The following DCPS variants were observed in gnomAD, a reference collection of about 807,000 sequenced individuals.
DCPS encodes m7GpppX diphosphatase.
DCPS carries 27 observed loss-of-function variants against 34.7 expected under a neutral mutation model. The ratio of observed to expected loss-of-function variants is 0.78; its 90% confidence interval spans 0.57 to 1.07. The LOEUF (loss-of-function observed/expected upper bound fraction) is 1.07. DCPS is among the 50% of genes least tolerant of loss of function. The pLI is 0.00. For missense variants in DCPS, 464 were observed against 436.9 expected, an observed-to-expected ratio of 1.06 and a Z score of -0.55; for synonymous variants, 185 against 185.7, an observed-to-expected ratio of 1.00 and a Z score of 0.03.
At position 126,322,255 on chromosome 11, in the gene DCPS, CTTATTTTTAT is replaced by C. The variant is rs1201577482; in HGVS notation, c.377-9137_377-9128del. Among the ~76,000 whole-genome samples the C allele has an allele frequency of 2.0e-5, 3 of 148,712 alleles. No homozygotes were observed. The highest frequency in any genetic ancestry group is 4.5e-5 in the Non-Finnish European group (3 of 66,474). Reference sequence around the variant, plus strand: ...TCCACAACAACAGCATTCAGATCTTCTTATTTTTATTTATTTTTATTTTTTTGAGACAGAG... The same window carrying C: ...TCCACAACAACAGCATTCAGATCTTCTTATTTTTATTTTTTTGAGACAGAG... On this transcript the variant is annotated intron_variant, in intron 2 of 5. Transcript: ENST00000263579. The surrounding 1 kb of genome is among the most constrained non-coding windows in gnomAD (Gnocchi z 4.2).
chr11:126,324,326 A>G (rs1455400533), intron 2 of DCPS, among the ~76,000 whole-genome samples: 1 of 152,134 alleles, frequency 6.6e-6, no homozygotes, highest in Non-Finnish European at 1.5e-5. Context: ...AATTGAAAAT[A>G]TTTTCACAGT....
In DCPS at chr11:126,307,158, C is replaced by T. The variant is rs564022979; in HGVS notation, c.376+414C>T. Among the ~76,000 whole-genome samples the T allele has an allele frequency of 6.6e-5, 10 of 151,820 alleles. No homozygotes were observed. The South Asian group carries it at 1.9e-3, about 28-fold the overall frequency. On this transcript the variant is annotated intron_variant, in intron 2 of 5. Transcript: ENST00000263579. Reference sequence around the variant, plus strand: ...CAGACTCTCGGCCAACATGGTGAAACCTCATCTCTACTAAAAATACAAAAT... The same window carrying T: ...CAGACTCTCGGCCAACATGGTGAAATCTCATCTCTACTAAAAATACAAAAT...
In DCPS at chr11:126,345,743, GGGCT is replaced by G; in HGVS notation, c.*131_*134del. On this transcript the variant is annotated 3_prime_UTR_variant, in exon 6 of 6. Coordinates refer to ENST00000263579, the MANE Select transcript of DCPS (RefSeq NM_014026.6). The surrounding 1 kb of genome is among the most constrained non-coding windows in gnomAD (Gnocchi z 7.4). Reference sequence around the variant, plus strand: ...TATTCCTAGTATTGAATAAACTAGCGGGCTCACTCAGTGTGGACAGCGTGGCCTG... The same window carrying G: ...TATTCCTAGTATTGAATAAACTAGCGCACTCAGTGTGGACAGCGTGGCCTG... 1 of 1,390,926 alleles carries G rather than the reference GGGCT, an allele frequency of 7.2e-7. No individual in the cohort carries two copies. Among genetic ancestry groups the G allele is most frequent in the Non-Finnish European group, 9.6e-7 (1 of 1,036,942 alleles). 86.2% of individuals were successfully genotyped at this position (1,390,926 alleles called of 1,614,324 possible). A position where few individuals can be genotyped will look rare whatever the true frequency, so the allele number is the denominator to read the frequency against.
chr11:126,316,944 C>T (rs1305864680), intron 2 of DCPS, among the ~76,000 whole-genome samples: 1 of 146,400 alleles, frequency 6.8e-6, no homozygotes, highest in Non-Finnish European at 1.5e-5. Flanking sequence ...GTGTGACCCA[C>T]CATGCCCGGC....
intron 2 of DCPS, among the ~76,000 whole-genome samples, chr11:126,307,967 G>A (rs1951587537): frequency 6.6e-6 from 1 of 152,220 alleles, no homozygotes; most frequent in Admixed American, 6.5e-5. Context: ...GGGCCGGCCA[G>A]TGTGTCTGGT....
Position 126,345,543 on chromosome 11 carries a change from G to C in DCPS, c.944G>C (p.Arg315Pro), listed in dbSNP as rs73019443. 1.2e-6 allele frequency: 2 copies of C among 1,613,708 alleles called. No individual in the cohort carries two copies. Among genetic ancestry groups the C allele is most frequent in the African/African-American group, 2.7e-5 (2 of 74,906 alleles). The change falls in exon 6 of 6, where the codon CGC (arginine) becomes CCC (proline). Residue 315 changes from arginine (R) to proline (P), a missense_variant. Transcript: ENST00000263579. The surrounding 1 kb of genome is among the most constrained non-coding windows in gnomAD (Gnocchi z 7.4). ...LECDPRHYQQ[R>P]TLTFALRADD... ...TGTGACCCTAGGCACTACCAGCAGC[G>C]CACGCTCACCTTCGCCCTCAGGGCT... is the stretch of plus-strand genomic sequence containing the variant.
At position 126,320,114 on chromosome 11, in the gene DCPS, T is replaced by C. The variant is rs1276732604; in HGVS notation, c.377-11291T>C. On this transcript the variant is annotated intron_variant, in intron 2 of 5. Coordinates refer to ENST00000263579, the MANE Select transcript of DCPS (RefSeq NM_014026.6). This position sits in a 1 kb window ranked among gnomAD's most constrained non-coding sequence, Gnocchi z 4.7. Reference sequence around the variant, plus strand: ...CCTGGCCAGGCTGGTCTCAAACTCCTGACCTCAAGTGATCCACCTGCCTCA... The same window carrying C: ...CCTGGCCAGGCTGGTCTCAAACTCCCGACCTCAAGTGATCCACCTGCCTCA... 2.6e-5 allele frequency among the ~76,000 whole-genome samples: 4 copies of C among 151,542 alleles called. No homozygotes were observed. The highest frequency in any genetic ancestry group is 9.7e-5 in the African/African-American group (4 of 41,240).
At chr11:126,330,344 CAGT>C (rs1311646353) in intron 2 of DCPS, among the ~76,000 whole-genome samples, 1 of 152,150 alleles carries the variant, frequency 6.6e-6, no homozygotes, top group Non-Finnish European at 1.5e-5. Flanking sequence ...GCCAAAATGT[CAGT>C]GGTGCTGAGA....
rs1288726072 is a variant in DCPS at position 126,347,091 on chromosome 11, TA to T, written c.*1485del. Among the ~76,000 whole-genome samples the T allele has an allele frequency of 1.3e-5, 2 of 151,370 alleles. No homozygotes were observed. The highest frequency in any genetic ancestry group is 4.9e-5 in the African/African-American group (2 of 41,182). On this transcript the variant is annotated 3_prime_UTR_variant, in exon 6 of 6. Coordinates refer to ENST00000263579, the MANE Select transcript of DCPS (RefSeq NM_014026.6). The surrounding 1 kb of genome is among the most constrained non-coding windows in gnomAD (Gnocchi z 4.2). ...AAGACTCCCTCTCAGAAAAAAAAAT[TA>T]AAAAAATAGAAACAGCCGGGGAGTG...
Position 126,336,115 on chromosome 11 carries a change from C to CAA in DCPS, c.523-2153_523-2152dup, listed in dbSNP as rs34762229. ...TGGGCGAAAGAGCAAGACTCCATCT[C>CAA]AAAAAAAAAAAAAAAAAAATGGCGA... On this transcript the variant is annotated intron_variant, in intron 3 of 5. Transcript: ENST00000263579. This position sits in a 1 kb window ranked among gnomAD's most constrained non-coding sequence, Gnocchi z 6.3. Among the ~76,000 whole-genome samples the CAA allele has an allele frequency of 6.5e-3, 705 of 108,988 alleles. 7 individuals carry two copies. The highest frequency in any genetic ancestry group is 0.01 in the African/African-American group (290 of 28,094). The allele number at this position is 108,988 out of a possible 152,430, so 71.5% of individuals were successfully genotyped here. A position where few individuals can be genotyped will look rare whatever the true frequency, so the allele number is the denominator to read the frequency against.
intron 2 of DCPS, among the ~76,000 whole-genome samples, chr11:126,310,954 G>C (rs1274229833): frequency 6.6e-6 from 1 of 152,200 alleles, no homozygotes; most frequent in African/African-American, 2.4e-5. Flanking sequence ...TTCTGAGCTG[G>C]CCACAGTAGA....
In DCPS at chr11:126,320,827, T is replaced by C. The variant is rs1202421475; in HGVS notation, c.377-10578T>C. 6.6e-6 allele frequency among the ~76,000 whole-genome samples: 1 copy of C among 151,952 alleles called. No individual in the cohort carries two copies. The highest frequency in any genetic ancestry group is 1.5e-5 in the Non-Finnish European group (1 of 67,998). On this transcript the variant is annotated intron_variant, in intron 2 of 5. Transcript: ENST00000263579. This position sits in a 1 kb window ranked among gnomAD's most constrained non-coding sequence, Gnocchi z 4.7. ...ACAAAATTTCCAAACCTAGGATACG[T>C]AGGGAGGAGCAGTAACTGGATCTGA...
At chr11:126,317,800 C>T (rs192058517) in intron 2 of DCPS, among the ~76,000 whole-genome samples, 4 of 152,326 alleles carry the variant, frequency 2.6e-5, no homozygotes, top group East Asian at 1.9e-4. Flanking sequence ...GGGGGGCTCG[C>T]GGCTCTAAGG....
At position 126,312,965 on chromosome 11, in the gene DCPS, C is replaced by T. The variant is rs1951629778; in HGVS notation, c.376+6221C>T. ...GCTGGCACCTGAGAGCTTCCTCTGACCCTCCAGGCTGGGCAGGGCCTGCAT... is the reference window on the plus strand; with the variant it reads ...GCTGGCACCTGAGAGCTTCCTCTGATCCTCCAGGCTGGGCAGGGCCTGCAT... On this transcript the variant is annotated intron_variant, in intron 2 of 5. Coordinates refer to ENST00000263579, the MANE Select transcript of DCPS (RefSeq NM_014026.6). The surrounding 1 kb of genome is among the most constrained non-coding windows in gnomAD (Gnocchi z 5.1). 6.6e-6 allele frequency among the ~76,000 whole-genome samples: 1 copy of T among 152,164 alleles called. No individual in the cohort carries two copies. The highest frequency in any genetic ancestry group is 6.5e-5 in the Admixed American group (1 of 15,278).
Position 126,314,109 on chromosome 11 carries a change from C to G in DCPS, c.376+7365C>G, listed in dbSNP as rs187126466. 6.6e-5 allele frequency among the ~76,000 whole-genome samples: 10 copies of G among 152,300 alleles called. No individual in the cohort carries two copies. The East Asian group carries it at 1.7e-3, about 26-fold the overall frequency. Reference sequence around the variant, plus strand: ...GGGGTGTGGGGATGGCTGGGCCAGCCGCTTTTCTCCCCAATGATTGTTGTT... The same window carrying G: ...GGGGTGTGGGGATGGCTGGGCCAGCGGCTTTTCTCCCCAATGATTGTTGTT... On this transcript the variant is annotated intron_variant, in intron 2 of 5. Transcript: ENST00000263579.
rs1420364496 is a variant in DCPS at position 126,323,936 on chromosome 11, T to G, written c.377-7469T>G. On this transcript the variant is annotated intron_variant, in intron 2 of 5. Transcript: ENST00000263579. The surrounding 1 kb of genome is among the most constrained non-coding windows in gnomAD (Gnocchi z 4.4). ...ACCTCTACCTCCCAGGTTCAAGCGA[T>G]TCTTCCGCCTCAGCCTCCCGAGTAT... is the stretch of plus-strand genomic sequence containing the variant. Among the ~76,000 whole-genome samples the G allele has an allele frequency of 6.6e-6, 1 of 152,150 alleles. No individual in the cohort carries two copies. Among genetic ancestry groups the G allele is most frequent in the African/African-American group, 2.4e-5 (1 of 41,446 alleles).
rs1489585501 is a variant in DCPS, at chr11:126,348,214, A to G, written c.*2601A>G. On this transcript the variant is annotated 3_prime_UTR_variant, in exon 6 of 6. Transcript: ENST00000263579. This position sits in a 1 kb window ranked among gnomAD's most constrained non-coding sequence, Gnocchi z 5.3. Reference sequence around the variant, plus strand: ...GCAGGGCATGGAGACAGGGACCCACACTCTGGAAGGTTTCTCGACTCCCCC... The same window carrying G: ...GCAGGGCATGGAGACAGGGACCCACGCTCTGGAAGGTTTCTCGACTCCCCC... Among the ~76,000 whole-genome samples, 2 of 151,104 alleles carry G rather than the reference A, an allele frequency of 1.3e-5. No individual in the cohort carries two copies. The highest frequency in any genetic ancestry group is 2.4e-5 in the African/African-American group (1 of 40,998).
Position 126,320,175 on chromosome 11 carries a change from C to T in DCPS, c.377-11230C>T, listed in dbSNP as rs533417579. Among the ~76,000 whole-genome samples the T allele has an allele frequency of 6.6e-6, 1 of 152,174 alleles. No individual in the cohort carries two copies. Among genetic ancestry groups the T allele is most frequent in the Admixed American group, 6.5e-5 (1 of 15,276 alleles). On this transcript the variant is annotated intron_variant, in intron 2 of 5. Transcript: ENST00000263579. The surrounding 1 kb of genome is among the most constrained non-coding windows in gnomAD (Gnocchi z 4.7). Reference sequence around the variant, plus strand: ...GTGCTGGGATTACAGGCATGAGCTACGGTGCCTGGCCGTAATATATTCTGT... The same window carrying T: ...GTGCTGGGATTACAGGCATGAGCTATGGTGCCTGGCCGTAATATATTCTGT...
rs528658893 is a variant in DCPS, at chr11:126,327,642, G to A, written c.377-3763G>A. Among the ~76,000 whole-genome samples, 34 of 143,006 alleles carry A rather than the reference G, an allele frequency of 2.4e-4. No individual in the cohort carries two copies. Among genetic ancestry groups the A allele is most frequent in the African/African-American group, 6.6e-4 (26 of 39,216 alleles). 93.8% of individuals were successfully genotyped at this position (143,006 alleles called of 152,430 possible). A position where few individuals can be genotyped will look rare whatever the true frequency, so the allele number is the denominator to read the frequency against. Reference sequence around the variant, plus strand: ...GACGGGCATTGAGGTAAACACCAGCGTTCATTGTTTTTTGGCTGCCATCGT... The same window carrying A: ...GACGGGCATTGAGGTAAACACCAGCATTCATTGTTTTTTGGCTGCCATCGT... On this transcript the variant is annotated intron_variant, in intron 2 of 5. Coordinates refer to ENST00000263579, the MANE Select transcript of DCPS (RefSeq NM_014026.6). This position sits in a 1 kb window ranked among gnomAD's most constrained non-coding sequence, Gnocchi z 4.1.
Sources: allele counts gnomAD v4.1 joint callset (sites outside exome capture counted in the v4.1 genomes callset), GRCh38; gene constraint gnomAD v4.1.1; non-coding constraint Gnocchi (gnomAD v3.1); transcripts MANE v1.5; gene names NCBI Gene and HGNC (gene_info 2026-07-23, HGNC 2026-07-21).